Variants in FAM20B observed in about 807,000 individuals in gnomAD.
FAM20B encodes the protein glycosaminoglycan xylosylkinase.
Under a neutral mutation model 43.8 loss-of-function variants are expected in FAM20B, and 23 were observed. That is an observed-to-expected ratio of 0.53 (90% CI 0.38 to 0.74). The LOEUF is 0.74. Among genes scored for constraint, FAM20B ranks in the 30% least tolerant of loss-of-function variants. The probability of loss-of-function intolerance (pLI) is 0.00; values close to 1 mark genes in which losing one functional copy is unlikely to be tolerated. For synonymous variants in FAM20B, 178 were observed against 192.4 expected, an observed-to-expected ratio of 0.93 and a Z score of 0.62; for missense variants, 440 against 510.5, an observed-to-expected ratio of 0.86 and a Z score of 1.33.
intron 1 of FAM20B, among the ~76,000 whole-genome samples, chr1:179,028,594 AAAC>A (rs147323940): frequency 0.022 from 3,301 of 151,584 alleles, 62 homozygotes; most frequent in Middle Eastern, 0.051. Flanking sequence ...ACAAACAAAC[AAAC>A]AACAACAACA....
chr1:179,056,673 G>A (rs1013816204), intron 4 of FAM20B, among the ~76,000 whole-genome samples: 1 of 152,156 alleles, frequency 6.6e-6, no homozygotes, highest in Non-Finnish European at 1.5e-5. Flanking sequence ...GTGATTTCTG[G>A]ATCATATAGT....
rs137857845 is a variant in FAM20B, at chr1:179,030,339, G to A, written c.-134+4241G>A. 5.9e-5 allele frequency among the ~76,000 whole-genome samples: 9 copies of A among 151,654 alleles called. No individual in the cohort carries two copies. In the South Asian group the frequency reaches 1.0e-3, roughly 17 times the overall value. On this transcript the variant is annotated intron_variant, in intron 1 of 7. Coordinates refer to ENST00000263733, the MANE Select transcript of FAM20B (RefSeq NM_014864.4). ...CAAAATAATATGGAAGTACTTACTC[G>A]TGTGGGTTCTTGTTTCAGAAAGCAC...
At chr1:179,017,390 C>T in the FAM20B span, among the ~76,000 whole-genome samples, 2 of 152,186 alleles carry the variant, frequency 1.3e-5, no homozygotes, top group South Asian at 4.1e-4. Context: ...CTCTTTTGAG[C>T]TTTAAAAAGG....
At chr1:179,061,078 T>TGAG (rs1651446000) in intron 4 of FAM20B, among the ~76,000 whole-genome samples, 2 of 86,348 alleles carry the variant, frequency 2.3e-5, no homozygotes, top group Non-Finnish European at 4.7e-5. Context: ...TTTGTCGAAT[T>TGAG]TTTTTTTTTT....
intron 4 of FAM20B, among the ~76,000 whole-genome samples, chr1:179,061,843 A>G (rs1005536358): frequency 2.0e-5 from 3 of 152,074 alleles, no homozygotes; most frequent in African/African-American, 4.8e-5. Flanking sequence ...ATGAGCTACA[A>G]TTTATGACCA....
chr1:179,048,906 G>A (rs914186086), intron 2 of FAM20B, among the ~76,000 whole-genome samples: 7 of 152,110 alleles, frequency 4.6e-5, no homozygotes, highest in Non-Finnish European at 7.4e-5. Flanking sequence ...GCCTTTTATA[G>A]TACTGTTTTC....
chr1:179,072,243 A>G lies in FAM20B; in HGVS notation c.*99A>G. ...AGATGGATTGGAAGTGGCCAGCAGC[A>G]AGTTCTGGTGACGGGACAGAGTGGC... On this transcript the variant is annotated 3_prime_UTR_variant, in exon 8 of 8. Coordinates refer to ENST00000263733, the MANE Select transcript of FAM20B (RefSeq NM_014864.4). The G allele has an allele frequency of 1.0e-6, 1 of 960,008 alleles. No individual in the cohort carries two copies. The highest frequency in any genetic ancestry group is 1.6e-6 in the Non-Finnish European group (1 of 636,870). 59.5% of individuals were successfully genotyped at this position (960,008 alleles called of 1,614,324 possible). A position where few individuals can be genotyped will look rare whatever the true frequency, so the allele number is the denominator to read the frequency against.
intron 7 of FAM20B, among the ~76,000 whole-genome samples, chr1:179,068,387 A>T (rs1052720125): frequency 6.6e-6 from 1 of 152,142 alleles, no homozygotes. Flanking sequence ...GTCTGGTTCA[A>T]TCAGGAGATA....
In FAM20B at chr1:179,063,934, T is replaced by C. The variant is rs1285337370; in HGVS notation, c.582T>C (p.Asn194=). 1 of 1,606,104 alleles carries C rather than the reference T, an allele frequency of 6.2e-7. No individual in the cohort carries two copies. The highest frequency in any genetic ancestry group is 2.2e-5 in the East Asian group (1 of 44,730). Residue 194 remains asparagine, a synonymous_variant, in exon 5 of 8, where the codon AAT becomes AAC. Coordinates refer to ENST00000263733, the MANE Select transcript of FAM20B (RefSeq NM_014864.4). The part of the protein sequence containing the change: ...LLSTFLTVGN[N]TCFYGKCYYC... ...CTCCTTTCTGTCCTTTAGGAAACAA[T>C]ACTTGTTTTTATGGGAAGTGCTATT...
At chr1:179,058,879 A>T (rs1651339396) in intron 4 of FAM20B, among the ~76,000 whole-genome samples, 2 of 152,228 alleles carry the variant, frequency 1.3e-5, no homozygotes, top group African/African-American at 4.8e-5. Flanking sequence ...ATTGAGAGAG[A>T]AGAAAAAATT....
At chr1:179,055,175 A>T (rs1165529027) in intron 4 of FAM20B, among the ~76,000 whole-genome samples, 1 of 152,196 alleles carries the variant, frequency 6.6e-6, no homozygotes. Flanking sequence ...GGAACTGGCT[A>T]TGTTGCCCCT....
upstream of FAM20B, among the ~76,000 whole-genome samples, chr1:179,022,291 C>A (rs774994020): frequency 6.6e-6 from 1 of 152,182 alleles, no homozygotes; most frequent in African/African-American, 2.4e-5. Context: ...CTCCTTTACT[C>A]GCTAGCCTTT....
chr1:179,024,267 G>A (rs908685279), upstream of FAM20B, among the ~76,000 whole-genome samples: 6 of 152,156 alleles, frequency 3.9e-5, no homozygotes, highest in African/African-American at 1.4e-4. Context: ...AGACAGAAGG[G>A]ATCATCCGCC....
At chr1:179,059,000 T>TTCATTAGATTCATTA (rs1256057658) in intron 4 of FAM20B, among the ~76,000 whole-genome samples, 27 of 152,218 alleles carry the variant, frequency 1.8e-4, no homozygotes, top group African/African-American at 6.3e-4. Flanking sequence ...CAGAGAAAGA[T>TTCATTAGATTCATTA]AATGAATTTA....
chr1:179,047,084 G>C (rs1650804835), intron 2 of FAM20B, among the ~76,000 whole-genome samples: 1 of 152,206 alleles, frequency 6.6e-6, no homozygotes, highest in Non-Finnish European at 1.5e-5. Flanking sequence ...TTAGAAGACA[G>C]ATATTCCCAA....
At chr1:179,017,853 C>A in the FAM20B span, among the ~76,000 whole-genome samples, 2 of 152,120 alleles carry the variant, frequency 1.3e-5, no homozygotes. Flanking sequence ...ATTAGGGCAC[C>A]ATTTACTTGA....
intron 2 of FAM20B, among the ~76,000 whole-genome samples, chr1:179,048,241 G>A (rs55877399): frequency 0.016 from 2,475 of 152,270 alleles, 80 homozygotes; most frequent in African/African-American, 0.058. Flanking sequence ...AAGGGACCTT[G>A]GAGATCAGCT....
intron 7 of FAM20B, among the ~76,000 whole-genome samples, chr1:179,070,514 C>T (rs1389717141): frequency 7.8e-6 from 1 of 128,186 alleles, no homozygotes; most frequent in African/African-American, 3.1e-5. Flanking sequence ...GCTGAACTCG[C>T]CTTTTTTTTT....
rs781020713 is a variant in FAM20B, at chr1:179,068,058, C to T, written c.998+1199C>T. On this transcript the variant is annotated intron_variant, in intron 7 of 7. Transcript: ENST00000263733. ...GATTACAGGCGTGAGCCACCGCGCC[C>T]GACCATCCTGGTGTAATTTTAGAGC... is the stretch of plus-strand genomic sequence containing the variant. 6.6e-5 allele frequency among the ~76,000 whole-genome samples: 10 copies of T among 152,170 alleles called. No homozygotes were observed. In the South Asian group the frequency reaches 1.0e-3, roughly 16 times the overall value.
Sources: gnomAD v4.1 joint callset for allele counts (sites outside exome capture counted in the v4.1 genomes callset) on GRCh38, gnomAD v4.1.1 for gene constraint, MANE v1.5 for transcripts, NCBI Gene and HGNC (gene_info 2026-07-23, HGNC 2026-07-21) for gene names.